Variants in SETD5 observed in about 807,000 individuals in gnomAD.
The protein encoded by SETD5 is SET domain containing 5, also known as histone-lysine N-methyltransferase SETD5.
In SETD5, 44 loss-of-function variants were observed where a neutral mutation model predicts 153.3. The ratio of observed to expected loss-of-function variants is 0.29; its 90% CI spans 0.23 to 0.37. The LOEUF is 0.37. SETD5 is among the 10% of genes least tolerant of loss of function. The pLI is 1.00. For synonymous variants in SETD5, 716 were observed against 645.2 expected (o/e 1.11, Z -1.66); for missense variants, 1,544 against 1,768.0 (o/e 0.87, Z 2.27).
intron 1 of SETD5, among the ~76,000 whole-genome samples, chr3:9,417,946 T>TG (rs965997490): frequency 1.3e-5 from 2 of 148,792 alleles, no homozygotes; most frequent in African/African-American, 4.9e-5. Context: ...AGTTTTGTTT[T>TG]TTTTTTTTTT....
At chr3:9,460,867 A>G (rs945543777) in intron 17 of SETD5, among the ~76,000 whole-genome samples, 1 of 152,172 alleles carries the variant, frequency 6.6e-6, no homozygotes, top group Non-Finnish European at 1.5e-5. Flanking sequence ...TAAATTAAAA[A>G]TTAAACATGG....
At chr3:9,473,198 G>C in intron 19 of SETD5, 38 bp from the exon 20 acceptor site, 2 of 1,591,420 alleles carry the variant, frequency 1.3e-6, no homozygotes, top group Non-Finnish European at 1.7e-6. Flanking sequence ...TATCCAGATA[G>C]AGTACCGTTT....
chr3:9,447,882 C>T lies in SETD5; in HGVS notation c.1979C>T (p.Thr660Ile), dbSNP rs183864096. ...GGAAGTAACAGTTTAGTAACTCCTACTGAAGCTGGAAGTCTAGACAGTTCA... is the reference window on the plus strand; with the variant it reads ...GGAAGTAACAGTTTAGTAACTCCTATTGAAGCTGGAAGTCTAGACAGTTCA... ...EGGSNSLVTP[T>I]EAGSLDSSGE... is the part of the protein sequence containing the mutation. Residue 660 changes from threonine to isoleucine, a missense_variant, in exon 15 of 23, where the codon ACT becomes ATT. Transcript: ENST00000402198. 2 of 1,614,026 alleles carry T rather than the reference C, an allele frequency of 1.2e-6. No individual in the cohort carries two copies. Among genetic ancestry groups the T allele is most frequent in the Non-Finnish European group, 1.7e-6 (2 of 1,179,890 alleles).
chr3:9,443,602 G>A (rs1046242404), intron 11 of SETD5, among the ~76,000 whole-genome samples, 185 bp downstream of exon 11: 5 of 152,082 alleles, frequency 3.3e-5, no homozygotes, highest in Admixed American at 6.6e-5. Context: ...TTAGAGATAC[G>A]GATACCTTGT....
In SETD5 at chr3:9,445,937, T is replaced by G. The variant is rs146000397; in HGVS notation, c.1524+197T>G. Among the ~76,000 whole-genome samples the G allele has an allele frequency of 3.1e-4, 47 of 151,248 alleles. No homozygotes were observed. In the East Asian group the frequency reaches 7.3e-3, roughly 24 times the overall value. On this transcript the variant is annotated intron_variant, in intron 13 of 22. Coordinates refer to ENST00000402198, the MANE Select transcript of SETD5 (RefSeq NM_001080517.3). ...ATACACACAGTAGTTTTGTAGTGAT[T>G]ATTATCTAGTGATGGTTTGAAGAGG...
rs1237700651 is a variant in SETD5 at position 9,442,023 on chromosome 3, C to G, written c.960-105C>G. Reference sequence around the variant, plus strand: ...GATGCTTTCCCAAGTTTAGGCGTTGCAAAAGACTGCTGCTGCTTCTCTCAG... The same window carrying G: ...GATGCTTTCCCAAGTTTAGGCGTTGGAAAAGACTGCTGCTGCTTCTCTCAG... On this transcript the variant is annotated intron_variant, in intron 9 of 22. Coordinates refer to ENST00000402198, the MANE Select transcript of SETD5 (RefSeq NM_001080517.3). 18 of 812,186 alleles carry G rather than the reference C, an allele frequency of 2.2e-5. No individual in the cohort carries two copies. The Admixed American group carries it at 3.9e-4, about 18-fold the overall frequency. 50.3% of individuals were successfully genotyped at this position (812,186 alleles called of 1,614,324 possible).
At chr3:9,472,412 A>G (rs959859177) in intron 19 of SETD5, among the ~76,000 whole-genome samples, 7 of 142,966 alleles carry the variant, frequency 4.9e-5, no homozygotes, top group African/African-American at 1.7e-4. Flanking sequence ...GGCACGGATT[A>G]TGGTGGGCAG....
chr3:9,459,714 CAA>C (rs386395917), intron 17 of SETD5, among the ~76,000 whole-genome samples: 44 of 78,206 alleles, frequency 5.6e-4, no homozygotes, highest in Admixed American at 9.4e-4. Flanking sequence ...GAGACTCCAT[CAA>C]AAAAAAAAAA....
intron 16 of SETD5, 119 bp downstream of exon 16, chr3:9,448,749 T>C (rs1454370339): frequency 1.7e-5 from 17 of 985,850 alleles, no homozygotes; most frequent in Non-Finnish European, 2.2e-5. Context: ...ACTCTGCCCA[T>C]GTGAGTTTAT....
chr3:9,420,153 G>A (rs1039485651), intron 1 of SETD5, among the ~76,000 whole-genome samples: 1 of 152,128 alleles, frequency 6.6e-6, no homozygotes, highest in African/African-American at 2.4e-5. Context: ...TAGTTGAGCA[G>A]TAAATACCTT....
rs906954692 is a variant in SETD5 at position 9,471,824 on chromosome 3, T to A, written c.3195+895T>A. Among the ~76,000 whole-genome samples the A allele has an allele frequency of 3.9e-5, 6 of 152,366 alleles. No homozygotes were observed. The South Asian group carries it at 1.0e-3, about 26-fold the overall frequency. On this transcript the variant is annotated intron_variant, in intron 19 of 22. Coordinates refer to ENST00000402198, the MANE Select transcript of SETD5 (RefSeq NM_001080517.3). ...GCTGAATGTCCTGTATAGGGGACAG[T>A]CCCATGTAATGGCCAAACATCTGTA...
intron 18 of SETD5, among the ~76,000 whole-genome samples, 157 bp from the exon 19 acceptor site, chr3:9,470,302 C>A (rs891652779): frequency 6.6e-6 from 1 of 152,172 alleles, no homozygotes; most frequent in African/African-American, 2.4e-5. Flanking sequence ...TACACTGTTG[C>A]TACGTGGGAC....
At chr3:9,436,534 G>T (rs1273001292) in intron 7 of SETD5, among the ~76,000 whole-genome samples, 2 of 152,130 alleles carry the variant, frequency 1.3e-5, no homozygotes, top group Non-Finnish European at 2.9e-5. Context: ...TGGTAAATCT[G>T]CAACTTTAAA....
intron 17 of SETD5, among the ~76,000 whole-genome samples, chr3:9,461,469 T>C (rs972757522): frequency 3.3e-5 from 5 of 152,178 alleles, no homozygotes; most frequent in African/African-American, 1.2e-4. Context: ...ATTTTCAGGT[T>C]GTGTATGTGC....
In SETD5 at chr3:9,448,225, C is replaced by T. The variant is rs563730825; in HGVS notation, c.2104-163C>T. ...CTGAAATTATTCCTCTCTTAGTGGG[C>T]GTGGAGAGGGTGAAGGAAGATATCC... On this transcript the variant is annotated intron_variant, in intron 15 of 22. Transcript: ENST00000402198. Among the ~76,000 whole-genome samples, 11 of 152,218 alleles carry T rather than the reference C, an allele frequency of 7.2e-5. No individual in the cohort carries two copies. In the South Asian group the frequency reaches 1.9e-3, roughly 26 times the overall value.
chr3:9,461,450 G>A (rs990920685), intron 17 of SETD5, among the ~76,000 whole-genome samples: 17 of 152,120 alleles, frequency 1.1e-4, no homozygotes, highest in African/African-American at 4.1e-4. Flanking sequence ...GCGTTTATTT[G>A]TGGATATGAT....
Position 9,445,180 on chromosome 3 carries a change from A to G in SETD5, c.1320A>G (p.Arg440=), listed in dbSNP as rs1575449487. The change falls in exon 12 of 23, where the codon AGA becomes AGG. Residue 440 remains arginine, a synonymous_variant. Coordinates refer to ENST00000402198, the MANE Select transcript of SETD5 (RefSeq NM_001080517.3). The part of the protein sequence containing the change: ...PSLPTIGAET[R]RRKARRKELE... ...TACCCACCATTGGAGCAGAGACTAG[A>G]CGTAGAAAAGCACGACGGAAAGAGC... The G allele has an allele frequency of 6.2e-7, 1 of 1,614,016 alleles. No individual in the cohort carries two copies. Among genetic ancestry groups the G allele is most frequent in the South Asian group, 1.1e-5 (1 of 91,084 alleles).
chr3:9,463,778 T>C (rs41491550), intron 17 of SETD5, among the ~76,000 whole-genome samples: 5,544 of 152,302 alleles, frequency 0.036, 342 homozygotes, highest in African/African-American at 0.13. Flanking sequence ...GTTGGTGATA[T>C]AGCAGTTTAG....
intron 2 of SETD5, among the ~76,000 whole-genome samples, chr3:9,427,515 A>G (rs1233545086): frequency 6.6e-6 from 1 of 152,222 alleles, no homozygotes; most frequent in Non-Finnish European, 1.5e-5. Context: ...GCGCCATTAC[A>G]CTTCAGTCTG....
Sources: allele counts gnomAD v4.1 joint callset (sites outside exome capture counted in the v4.1 genomes callset), GRCh38; gene constraint gnomAD v4.1.1; transcripts MANE v1.5; gene names NCBI Gene and HGNC (gene_info 2026-07-23, HGNC 2026-07-21).